Variants in NHS observed in about 807,000 individuals in gnomAD.
NHS encodes the protein actin remodeling regulator NHS.
In NHS, 5 loss-of-function variants were observed where a neutral mutation model predicts 72.5. The observed-to-expected ratio is 0.07, with a 90% CI of 0.04 to 0.14. The LOEUF is 0.14. NHS is among the 10% of genes least tolerant of loss of function. The probability of loss-of-function intolerance (pLI) is 1.00; values close to 1 mark genes in which losing one functional copy is unlikely to be tolerated. For missense variants in NHS, 1,072 were observed against 1,355.7 expected (o/e 0.79, Z 3.29); for synonymous variants, 464 against 547.7 (o/e 0.85, Z 2.13).
chrX:17,557,865 C>T (rs984999853), intron 1 of NHS, among the ~76,000 whole-genome samples: 1 of 112,409 alleles, frequency 8.9e-6, no homozygotes, highest in Non-Finnish European at 1.9e-5. Context: ...GCCCAAAGGC[C>T]TCCCTTAGTT....
intron 1 of NHS, among the ~76,000 whole-genome samples, chrX:17,647,300 AGT>A (rs2065910472): frequency 1.8e-5 from 2 of 112,747 alleles, no homozygotes; most frequent in Admixed American, 1.9e-4. Context: ...AAATAAAGCT[AGT>A]AATCCCTGTA....
At chrX:17,657,653 C>T (rs1056543508) in intron 1 of NHS, among the ~76,000 whole-genome samples, 1 of 112,674 alleles carries the variant, frequency 8.9e-6, no homozygotes, top group Non-Finnish European at 1.9e-5. Flanking sequence ...CATCCATTCC[C>T]GGGTGAGGCC....
Position 17,620,145 on chromosome X carries a change from A to AT in NHS, c.566-67588dup, listed in dbSNP as rs376840884. The stretch of plus-strand genomic sequence containing the variant: ...AGACCACTTAAGTAAGGCAGGCTGT[A>AT]TTTTTTTTTCCTGCCTAACAATAGG... On this transcript the variant is annotated intron_variant, in intron 1 of 8. Coordinates refer to ENST00000676302, the MANE Select transcript of NHS (RefSeq NM_001291867.2). Among the ~76,000 whole-genome samples the AT allele has an allele frequency of 2.2e-3, 247 of 110,844 alleles. 1 individual carries two copies. The highest frequency in any genetic ancestry group is 7.3e-3 in the African/African-American group (222 of 30,540).
intron 1 of NHS, among the ~76,000 whole-genome samples, chrX:17,435,565 G>A (rs1447047152): frequency 3.6e-5 from 4 of 112,353 alleles, no homozygotes; most frequent in Non-Finnish European, 7.5e-5. Flanking sequence ...GATTTGGGGA[G>A]GGAAAGACAA....
At chrX:17,561,500 T>C (rs2065412005) in intron 1 of NHS, among the ~76,000 whole-genome samples, 2 of 108,067 alleles carry the variant, frequency 1.9e-5, no homozygotes, top group Admixed American at 2.0e-4. Flanking sequence ...AGTCTACGTC[T>C]ATACTCCTCA....
chrX:17,615,183 A>ACGTATATATACACATATATATATAC, intron 1 of NHS, among the ~76,000 whole-genome samples: 1 of 88,726 alleles, frequency 1.1e-5, no homozygotes, highest in African/African-American at 4.6e-5. Flanking sequence ...GTATATATAT[A>ACGTATATATACACATATATATATAC]GTATATATAC....
intron 1 of NHS, among the ~76,000 whole-genome samples, chrX:17,521,990 G>A (rs1013990163): frequency 1.5e-4 from 17 of 112,282 alleles, no homozygotes; most frequent in Middle Eastern, 4.6e-3. Flanking sequence ...TTTGGCAGAG[G>A]AAGCAGCCCG....
intron 1 of NHS, among the ~76,000 whole-genome samples, chrX:17,603,608 C>T (rs750617712): frequency 3.4e-4 from 38 of 111,954 alleles, no homozygotes; most frequent in Non-Finnish European, 6.2e-4. Context: ...GACATTTCTT[C>T]ATTTATTCAC....
chrX:17,501,261 G>A (rs916148629), intron 1 of NHS, among the ~76,000 whole-genome samples: 10 of 110,140 alleles, frequency 9.1e-5, no homozygotes, highest in Admixed American at 6.8e-4. Flanking sequence ...GCTGAGATGG[G>A]AGGATCACTT....
In NHS at chrX:17,375,344, C is replaced by A; in HGVS notation, c.-414C>A. The A allele has an allele frequency of 3.1e-6, 1 of 326,529 alleles. No homozygotes were observed. 26.9% of individuals were successfully genotyped at this position (326,529 alleles called of 1,213,427 possible). A position where few individuals can be genotyped will look rare whatever the true frequency, so the allele number is the denominator to read the frequency against. ...TGAGGCGCGCGCACACACTCACACCCACCCACCCACTCACCCACACACACA... is the reference window on the plus strand; with the variant it reads ...TGAGGCGCGCGCACACACTCACACCAACCCACCCACTCACCCACACACACA... On this transcript the variant is annotated 5_prime_UTR_variant, in exon 1 of 9. Coordinates refer to ENST00000676302, the MANE Select transcript of NHS (RefSeq NM_001291867.2).
intron 1 of NHS, among the ~76,000 whole-genome samples, chrX:17,683,656 G>T (rs1846067108): frequency 9.0e-6 from 1 of 111,720 alleles, no homozygotes; most frequent in Admixed American, 9.5e-5. Flanking sequence ...TTAGAACTTG[G>T]CATATGGTTG....
At chrX:17,388,232 C>T (rs1180716913) in intron 1 of NHS, among the ~76,000 whole-genome samples, 1 of 111,787 alleles carries the variant, frequency 8.9e-6, no homozygotes, top group Non-Finnish European at 1.9e-5. Context: ...CAAAAAGTTA[C>T]CAGGACCTTA....
chrX:17,470,259 C>T (rs2064886886), intron 1 of NHS, among the ~76,000 whole-genome samples: 1 of 110,990 alleles, frequency 9.0e-6, no homozygotes, highest in Non-Finnish European at 1.9e-5. Flanking sequence ...GGGCTTCCCC[C>T]TGCTCCCTTA....
At chrX:17,696,309 T>C (rs932504161) in intron 3 of NHS, among the ~76,000 whole-genome samples, 2 of 112,135 alleles carry the variant, frequency 1.8e-5, no homozygotes, top group Admixed American at 9.4e-5. Flanking sequence ...GAATACTGAT[T>C]ATTTAGGGAA....
Position 17,735,377 on chromosome X carries a change from G to A in NHS, c.*2913G>A, listed in dbSNP as rs1217086827. Reference sequence around the variant, plus strand: ...TAGGTATTGTGAAGAACATCAATCCGAACTTTTCTTCTGTTGTTTGCACTG... The same window carrying A: ...TAGGTATTGTGAAGAACATCAATCCAAACTTTTCTTCTGTTGTTTGCACTG... On this transcript the variant is annotated 3_prime_UTR_variant, in exon 9 of 9. Transcript: ENST00000676302. 2 of 113,120 alleles carry A rather than the reference G, an allele frequency of 1.8e-5. No individual in the cohort carries two copies. Among genetic ancestry groups the A allele is most frequent in the Non-Finnish European group, 3.7e-5 (2 of 53,374 alleles). 9.3% of individuals were successfully genotyped at this position (113,120 alleles called of 1,213,427 possible).
intron 1 of NHS, among the ~76,000 whole-genome samples, chrX:17,623,019 C>T (rs189171776): frequency 7.4e-4 from 82 of 111,259 alleles, no homozygotes; most frequent in African/African-American, 2.1e-3. Flanking sequence ...CTTCATCCTC[C>T]GGAGCTCAAC....
intron 1 of NHS, among the ~76,000 whole-genome samples, chrX:17,378,119 G>C: frequency 9.6e-6 from 1 of 104,478 alleles, no homozygotes; most frequent in Middle Eastern, 4.7e-3. Context: ...GATTTCACGC[G>C]AATGAAACTC....
intron 1 of NHS, chrX:17,635,343 C>G: frequency 9.1e-7 from 1 of 1,104,945 alleles, no homozygotes; most frequent in Non-Finnish European, 1.2e-6. Flanking sequence ...CAGCCTAGCA[C>G]TTGGGTGAGA....
intron 1 of NHS, among the ~76,000 whole-genome samples, chrX:17,409,169 A>G (rs1276144336): frequency 8.9e-6 from 1 of 112,327 alleles, no homozygotes; most frequent in Non-Finnish European, 1.9e-5. Flanking sequence ...TTCATAACAC[A>G]AGGTACTTGT....
Sources: gnomAD v4.1 joint callset for allele counts (sites outside exome capture counted in the v4.1 genomes callset) on GRCh38, gnomAD v4.1.1 for gene constraint, MANE v1.5 for transcripts, NCBI Gene and HGNC (gene_info 2026-07-23, HGNC 2026-07-21) for gene names.